The following FBLN7 variants were observed in gnomAD, a reference collection of about 807,000 sequenced individuals.
The protein encoded by FBLN7 is fibulin 7, also known as fibulin-7.
FBLN7 carries 31 observed loss-of-function variants against 44.0 expected under a neutral mutation model. The ratio of observed to expected loss-of-function variants is 0.70; its 90% CI spans 0.53 to 0.95. FBLN7 has a LOEUF of 0.95. Among genes scored for constraint, FBLN7 ranks in the 40% least tolerant of loss-of-function variants. The pLI is 0.00. For synonymous variants in FBLN7, 262 were observed against 253.4 expected (o/e 1.03, Z -0.32); for missense variants, 573 against 618.5 (o/e 0.93, Z 0.78).
In FBLN7 at chr2:112,159,816, G is replaced by A. The variant is rs1368057387; in HGVS notation, c.216G>A (p.Val72=). 1 of 1,562,724 alleles carries A rather than the reference G, an allele frequency of 6.4e-7. No homozygotes were observed. Among genetic ancestry groups the A allele is most frequent in the Non-Finnish European group, 8.6e-7 (1 of 1,156,476 alleles). The change falls in exon 2 of 8, where the codon GTG becomes GTA. Residue 72 remains valine, a synonymous_variant. Transcript: ENST00000331203. ...LAALQNSVGR[V]GPDALPVSCP... ...CGCTGCAGAACTCTGTGGGCAGGGT[G>A]GGCCCAGATGCCCTTCCAGGTGGGT... is the stretch of plus-strand genomic sequence containing the variant.
intron 1 of FBLN7, among the ~76,000 whole-genome samples, chr2:112,154,505 C>T (rs1202585691): frequency 6.6e-6 from 1 of 152,278 alleles, no homozygotes; most frequent in East Asian, 1.9e-4. Flanking sequence ...TTCACCCACT[C>T]CCACCTTGGA....
At chr2:112,242,232 C>G in the FBLN7 span, among the ~76,000 whole-genome samples, 1 of 152,198 alleles carries the variant, frequency 6.6e-6, no homozygotes, top group African/African-American at 2.4e-5. Flanking sequence ...TAAGCACCCA[C>G]AAGCTAAGAA....
chr2:112,234,267 T>C, the FBLN7 span: 2 of 1,441,930 alleles, frequency 1.4e-6, no homozygotes, highest in Non-Finnish European at 1.9e-6. Flanking sequence ...AAACTAAATG[T>C]AAGAAACAGA....
chr2:112,140,010 G>C (rs1353179029), intron 1 of FBLN7, among the ~76,000 whole-genome samples: 2 of 72,220 alleles, frequency 2.8e-5, no homozygotes, highest in African/African-American at 6.5e-5. Context: ...CCTCTCTCCA[G>C]GTCAGCGTCC....
Position 112,178,676 on chromosome 2 carries a change from C to T in FBLN7, c.532+2837C>T, listed in dbSNP as rs536818114. On this transcript the variant is annotated intron_variant, in intron 4 of 7. Coordinates refer to ENST00000331203, the MANE Select transcript of FBLN7 (RefSeq NM_153214.3). Reference sequence around the variant, plus strand: ...ACCATGATCAAGTAGGCTTCCTCCCCGGGATACAAGGTTGATTCAACATAT... The same window carrying T: ...ACCATGATCAAGTAGGCTTCCTCCCTGGGATACAAGGTTGATTCAACATAT... Among the ~76,000 whole-genome samples, 148 of 152,278 alleles carry T rather than the reference C, an allele frequency of 9.7e-4. 1 individual carries two copies. Among genetic ancestry groups the T allele is most frequent in the African/African-American group, 3.3e-3 (139 of 41,544 alleles).
intron 4 of FBLN7, among the ~76,000 whole-genome samples, chr2:112,178,268 ACCAAAAG>A (rs2104596458): frequency 6.7e-6 from 1 of 149,788 alleles, no homozygotes; most frequent in East Asian, 2.0e-4. Flanking sequence ...AAAAAAAAAA[ACCAAAAG>A]AAAACAAACA....
the FBLN7 span, among the ~76,000 whole-genome samples, chr2:112,216,683 C>CA: frequency 3.8e-3 from 457 of 120,988 alleles, 3 homozygotes; most frequent in African/African-American, 4.9e-3. Context: ...AGAACTGAAG[C>CA]AAAAAAAAAA....
chr2:112,191,870 G>C (rs1683501671), downstream of FBLN7, among the ~76,000 whole-genome samples: 2 of 152,100 alleles, frequency 1.3e-5, no homozygotes, highest in Non-Finnish European at 2.9e-5. Context: ...TGGTTCCAAA[G>C]TCAAATCTAC....
At chr2:112,184,038 G>A (rs550681673) in intron 6 of FBLN7, among the ~76,000 whole-genome samples, 2 of 152,298 alleles carry the variant, frequency 1.3e-5, no homozygotes, top group Non-Finnish European at 2.9e-5. Context: ...CACATGAGCT[G>A]AGTCAGAGCA....
the FBLN7 span, among the ~76,000 whole-genome samples, chr2:112,206,015 T>C: frequency 1.2e-4 from 18 of 152,322 alleles, 1 homozygote; most frequent in African/African-American, 4.3e-4. Context: ...AGATTTCTTA[T>C]GTATGAAATT....
the FBLN7 span, among the ~76,000 whole-genome samples, chr2:112,210,655 CAAAAAAAAAAAAA>C: frequency 1.0e-4 from 7 of 69,730 alleles, no homozygotes; most frequent in Non-Finnish European, 1.8e-4. Flanking sequence ...GACTCTGTCT[CAAAAAAAAAAAAA>C]AAAAAAAAAA....
At chr2:112,218,609 A>G in the FBLN7 span, among the ~76,000 whole-genome samples, 1 of 152,194 alleles carries the variant, frequency 6.6e-6, no homozygotes, top group Non-Finnish European at 1.5e-5. Context: ...AACTGTATGA[A>G]TCCACTTATA....
intron 1 of FBLN7, chr2:112,152,691 T>A (rs1191392175): frequency 6.6e-6 from 1 of 151,942 alleles, no homozygotes; most frequent in Non-Finnish European, 1.5e-5. Context: ...GAGGAGGGAG[T>A]TGGGCCTCCA....
chr2:112,202,861 A>G, the FBLN7 span, among the ~76,000 whole-genome samples: 2 of 152,060 alleles, frequency 1.3e-5, no homozygotes, highest in Non-Finnish European at 2.9e-5. Flanking sequence ...CCCCACTAAA[A>G]TTCACTATTT....
At chr2:112,237,599 CAG>C in the FBLN7 span, among the ~76,000 whole-genome samples, 1 of 148,440 alleles carries the variant, frequency 6.7e-6, no homozygotes, top group Admixed American at 6.7e-5. Flanking sequence ...TTTTTTGAGA[CAG>C]AGTCTCGCTC....
chr2:112,181,732 C>G lies in FBLN7; in HGVS notation c.533-7C>G, dbSNP rs1233930568. Reference sequence around the variant, plus strand: ...GGCCCGGCACTGAGCGTGTCTTCTCCCCGCAGCCGCCCCCGAGGGCAGCGT... The same window carrying G: ...GGCCCGGCACTGAGCGTGTCTTCTCGCCGCAGCCGCCCCCGAGGGCAGCGT... On this transcript the variant is annotated splice_polypyrimidine_tract_variant and splice_region_variant and intron_variant, in intron 4 of 7. Transcript: ENST00000331203. 5 of 1,379,198 alleles carry G rather than the reference C, an allele frequency of 3.6e-6. No individual in the cohort carries two copies. Among genetic ancestry groups the G allele is most frequent in the African/African-American group, 1.5e-5 (1 of 65,542 alleles). The allele number at this position is 1,379,198 out of a possible 1,614,324, so 85.4% of individuals were successfully genotyped here.
rs1231512598 is a variant in FBLN7, at chr2:112,187,646, G to T, written c.*140G>T. On this transcript the variant is annotated 3_prime_UTR_variant, in exon 8 of 8. Coordinates refer to ENST00000331203, the MANE Select transcript of FBLN7 (RefSeq NM_153214.3). This position sits in a 1 kb window ranked among gnomAD's most constrained non-coding sequence, Gnocchi z 5.1. ...GCACCCAGGCTTCTAGGGCAGCGTTGCACGGCGCCCCATGGAATAGCACGG... is the reference window on the plus strand; with the variant it reads ...GCACCCAGGCTTCTAGGGCAGCGTTTCACGGCGCCCCATGGAATAGCACGG... The T allele has an allele frequency of 8.8e-7, 1 of 1,142,114 alleles. No homozygotes were observed. The highest frequency in any genetic ancestry group is 1.2e-6 in the Non-Finnish European group (1 of 805,372). 70.7% of individuals were successfully genotyped at this position (1,142,114 alleles called of 1,614,324 possible).
intron 3 of FBLN7, among the ~76,000 whole-genome samples, chr2:112,167,724 C>T (rs902951012): frequency 2.6e-5 from 4 of 152,132 alleles, no homozygotes; most frequent in Non-Finnish European, 5.9e-5. Flanking sequence ...CCACTTGGTT[C>T]GTTCTTGCTA....
the FBLN7 span, among the ~76,000 whole-genome samples, chr2:112,240,760 ATACTT>A: frequency 6.6e-6 from 1 of 152,220 alleles, no homozygotes; most frequent in Non-Finnish European, 1.5e-5. Context: ...AAATAATTGA[ATACTT>A]TTCTTCACTT....
Sources: gnomAD v4.1 joint callset for allele counts (sites outside exome capture counted in the v4.1 genomes callset) on GRCh38, gnomAD v4.1.1 for gene constraint, Gnocchi (gnomAD v3.1) non-coding constraint, MANE v1.5 for transcripts, NCBI Gene and HGNC (gene_info 2026-07-23, HGNC 2026-07-21) for gene names.